Variants in LGR5 observed in about 807,000 individuals in gnomAD.
LGR5 encodes the protein leucine rich repeat containing G protein-coupled receptor 5, also known as leucine-rich repeat-containing G protein-coupled receptor 5.
A neutral mutation model predicts 76.7 loss-of-function variants in LGR5; 54 were observed. That is an observed-to-expected ratio of 0.70 (90% CI 0.57 to 0.88). The LOEUF is 0.88. Among genes scored for constraint, LGR5 ranks in the 40% least tolerant of loss-of-function variants. The probability of loss-of-function intolerance (pLI) is 0.00; values close to 1 mark genes in which losing one functional copy is unlikely to be tolerated. For synonymous variants in LGR5, 406 were observed against 421.9 expected, an observed-to-expected ratio of 0.96 and a Z score of 0.46; for missense variants, 1,078 against 1,073.3, an observed-to-expected ratio of 1.00 and a Z score of -0.06.
At chr12:71,551,938 G>A (rs1877504381) in intron 4 of LGR5, among the ~76,000 whole-genome samples, 1 of 152,144 alleles carries the variant, frequency 6.6e-6, no homozygotes, top group Admixed American at 6.6e-5. Context: ...CAGTTTTCAG[G>A]CCTTTCAGTG....
chr12:71,531,836 C>A (rs1876329731), intron 3 of LGR5, among the ~76,000 whole-genome samples: 2 of 152,152 alleles, frequency 1.3e-5, no homozygotes, highest in African/African-American at 4.8e-5. Flanking sequence ...CCACTGCACT[C>A]CCGTGTGGGC....
chr12:71,454,295 G>A (rs540560907), intron 1 of LGR5, among the ~76,000 whole-genome samples: 21 of 152,202 alleles, frequency 1.4e-4, no homozygotes, highest in African/African-American at 4.3e-4. Context: ...AATAAACCAG[G>A]AAGCTGATTT....
At chr12:71,546,317 A>AATATATAT (rs57093154) in intron 4 of LGR5, among the ~76,000 whole-genome samples, 178 of 148,890 alleles carry the variant, frequency 1.2e-3, no homozygotes, top group African/African-American at 3.1e-3. Flanking sequence ...TCAGTCTCAA[A>AATATATAT]ATATATATAT....
At chr12:71,472,698 C>A (rs917821552) in intron 1 of LGR5, among the ~76,000 whole-genome samples, 9 of 152,230 alleles carry the variant, frequency 5.9e-5, no homozygotes, top group African/African-American at 1.9e-4. Flanking sequence ...CAAACATAAC[C>A]TGAGAAAGGA....
Position 71,440,504 on chromosome 12 carries a change from A to G in LGR5, c.212+212A>G, listed in dbSNP as rs971876613. 6.6e-6 allele frequency among the ~76,000 whole-genome samples: 1 copy of G among 152,144 alleles called. No homozygotes were observed. Among genetic ancestry groups the G allele is most frequent in the Non-Finnish European group, 1.5e-5 (1 of 68,012 alleles). ...CGGCACTTTCTGGACCCGCAGAGAA[A>G]TGGCTTCGAGTGCAACCCGGGAAAG... On this transcript the variant is annotated intron_variant, in intron 1 of 17. Transcript: ENST00000266674. The surrounding 1 kb of genome is among the most constrained non-coding windows in gnomAD (Gnocchi z 5.3).
At chr12:71,583,189 C>A (rs1879166459) in intron 17 of LGR5, among the ~76,000 whole-genome samples, 1 of 152,224 alleles carries the variant, frequency 6.6e-6, no homozygotes, top group African/African-American at 2.4e-5. Context: ...TGCTCCCTAA[C>A]CTCAAATTTT....
intron 1 of LGR5, among the ~76,000 whole-genome samples, chr12:71,474,944 G>A (rs944470735): frequency 6.6e-6 from 1 of 152,178 alleles, no homozygotes; most frequent in Non-Finnish European, 1.5e-5. Flanking sequence ...GATTCCGTTG[G>A]TGTGCTTTTC....
In LGR5 at chr12:71,585,040, T is replaced by C; in HGVS notation, c.*306T>C. 1 of 288,398 alleles carries C rather than the reference T, an allele frequency of 3.5e-6. No individual in the cohort carries two copies. Among genetic ancestry groups the C allele is most frequent in the Non-Finnish European group, 6.5e-6 (1 of 154,608 alleles). 17.9% of individuals were successfully genotyped at this position (288,398 alleles called of 1,614,324 possible). On this transcript the variant is annotated 3_prime_UTR_variant, in exon 18 of 18. Coordinates refer to ENST00000266674, the MANE Select transcript of LGR5 (RefSeq NM_003667.4). The stretch of plus-strand genomic sequence containing the variant: ...AGATTCTCCATGATTTGAATTGCAT[T>C]CTCTTTAAACTCACCAATGTAATCA...
At chr12:71,557,263 TGA>T (rs2137421544) in intron 6 of LGR5, among the ~76,000 whole-genome samples, 1 of 152,288 alleles carries the variant, frequency 6.6e-6, no homozygotes, top group South Asian at 2.1e-4. Context: ...CCAACCTGGG[TGA>T]CAGAGCAAGA....
At chr12:71,475,096 T>C (rs1053530570) in intron 1 of LGR5, among the ~76,000 whole-genome samples, 1 of 152,188 alleles carries the variant, frequency 6.6e-6, no homozygotes, top group Non-Finnish European at 1.5e-5. Context: ...CTAGCAGACA[T>C]GTAAGTCTCC....
At chr12:71,521,247 G>T (rs894642527) in intron 2 of LGR5, among the ~76,000 whole-genome samples, 3 of 152,182 alleles carry the variant, frequency 2.0e-5, no homozygotes, top group Admixed American at 2.0e-4. Context: ...TTTCTCTCCT[G>T]CAGTGGAGGT....
At chr12:71,510,472 T>C (rs567210586) in intron 2 of LGR5, among the ~76,000 whole-genome samples, 47 of 152,312 alleles carry the variant, frequency 3.1e-4, no homozygotes, top group Middle Eastern at 6.8e-3. Context: ...ACCTATAAAA[T>C]GTAGACATCC....
Position 71,440,225 on chromosome 12 carries a change from AG to A in LGR5, c.148del (p.Val50TrpfsTer22). ...CGAGCCCGACGGCAGGATGTTGCTC[AG>A]GGTGGACTGCTCCGACCTGGGGCTC... Reference protein sequence around the residue: ...HCEPDGRMLLRVDCSDLGLSE... With the variant: ...HCEPDGRMLLXVDCSDLGLSE... On this transcript the variant is annotated frameshift_variant, in exon 1 of 18. Coordinates refer to ENST00000266674, the MANE Select transcript of LGR5 (RefSeq NM_003667.4). LOFTEE classifies it high-confidence loss of function. This position sits in a 1 kb window ranked among gnomAD's most constrained non-coding sequence, Gnocchi z 5.3. The A allele has an allele frequency of 1.2e-6, 2 of 1,613,244 alleles. No homozygotes were observed. The highest frequency in any genetic ancestry group is 1.7e-6 in the Non-Finnish European group (2 of 1,179,874).
rs894400841 is a variant in LGR5 at position 71,440,348 on chromosome 12, G to C, written c.212+56G>C. ...GAGACTAAGAGGGGAAGGAAGGTTC[G>C]TCCAAGGCGAGGCTGGAGGCTCCTC... On this transcript the variant is annotated intron_variant, in intron 1 of 17. Transcript: ENST00000266674. The surrounding 1 kb of genome is among the most constrained non-coding windows in gnomAD (Gnocchi z 5.3). 5.8e-6 allele frequency: 9 copies of C among 1,554,244 alleles called. No homozygotes were observed. The Middle Eastern group carries it at 7.8e-4, about 135-fold the overall frequency.
At position 71,440,299 on chromosome 12, in the gene LGR5, A is replaced by G; in HGVS notation, c.212+7A>G. 1.2e-6 allele frequency: 2 copies of G among 1,607,390 alleles called. No homozygotes were observed. The highest frequency in any genetic ancestry group is 1.7e-6 in the Non-Finnish European group (2 of 1,178,856). On this transcript the variant is annotated splice_region_variant and intron_variant, in intron 1 of 17. Coordinates refer to ENST00000266674, the MANE Select transcript of LGR5 (RefSeq NM_003667.4). This position sits in a 1 kb window ranked among gnomAD's most constrained non-coding sequence, Gnocchi z 5.3. Reference sequence around the variant, plus strand: ...GCGTCTTCACCTCCTACCTGTAAGTACTTCCCCACGTCACTCCGGGAGAGA... The same window carrying G: ...GCGTCTTCACCTCCTACCTGTAAGTGCTTCCCCACGTCACTCCGGGAGAGA...
At chr12:71,473,721 A>C (rs1398100858) in intron 1 of LGR5, among the ~76,000 whole-genome samples, 1 of 152,048 alleles carries the variant, frequency 6.6e-6, no homozygotes, top group Non-Finnish European at 1.5e-5. Flanking sequence ...AATTTTAAGA[A>C]TATGATTATT....
rs1877582581 is a variant in LGR5, at chr12:71,553,214, C to T, written c.570C>T (p.Ala190=). 6.2e-7 allele frequency: 1 copy of T among 1,613,880 alleles called. No homozygotes were observed. Among genetic ancestry groups the T allele is most frequent in the Non-Finnish European group, 8.5e-7 (1 of 1,180,020 alleles). ...QAFRSLSALQ[A]MTLALNKIHH... ...TTAGAAGTTTATCGGCATTGCAAGCCATGACCTTGGCCCTGAACAAAATAC... is the reference window on the plus strand; with the variant it reads ...TTAGAAGTTTATCGGCATTGCAAGCTATGACCTTGGCCCTGAACAAAATAC... The change falls in exon 5 of 18, where the codon GCC becomes GCT. Residue 190 remains alanine (A), a synonymous_variant. Coordinates refer to ENST00000266674, the MANE Select transcript of LGR5 (RefSeq NM_003667.4).
At chr12:71,532,990 G>T (rs936559329) in intron 3 of LGR5, among the ~76,000 whole-genome samples, 1 of 152,030 alleles carries the variant, frequency 6.6e-6, no homozygotes, top group Non-Finnish European at 1.5e-5. Context: ...TCAGGAGTTC[G>T]AGTCCAGTCC....
intron 1 of LGR5, among the ~76,000 whole-genome samples, chr12:71,481,555 A>G (rs1247234798): frequency 6.6e-6 from 1 of 152,156 alleles, no homozygotes. Context: ...TGCATTAAAC[A>G]TATGTGTGCG....
Sources: gnomAD v4.1 joint callset for allele counts (sites outside exome capture counted in the v4.1 genomes callset) on GRCh38, gnomAD v4.1.1 for gene constraint, Gnocchi (gnomAD v3.1) non-coding constraint, MANE v1.5 for transcripts, NCBI Gene and HGNC (gene_info 2026-07-23, HGNC 2026-07-21) for gene names.